Variants in PHC3 observed in about 807,000 individuals in gnomAD.
PHC3 encodes polyhomeotic-like protein 3.
In PHC3, 13 loss-of-function variants were observed where a neutral mutation model predicts 107.4. The ratio of observed to expected loss-of-function variants is 0.12; its 90% CI spans 0.08 to 0.19. The LOEUF is 0.19. Ranked by LOEUF, PHC3 falls within the 10% of genes least tolerant of loss-of-function variation. PHC3 has a pLI of 1.00. For missense variants in PHC3, 992 were observed against 1,210.9 expected (o/e 0.82, Z 2.68); for synonymous variants, 456 against 427.4 (o/e 1.07, Z -0.83).
chr3:170,136,613 T>C lies in PHC3; in HGVS notation c.725A>G (p.Gln242Arg), dbSNP rs773059251. The stretch of plus-strand genomic sequence containing the variant: ...ACTAGTGCTTTTTGGTGGACCATTC[T>C]GTGAGCTAGATAATACACCCAACTT... ...SQKLGVLSSS[Q>R]NGPPKSTSQT... The change falls in exon 7 of 15, where the codon CAG becomes CGG. Residue 242 changes from glutamine to arginine, a missense_variant. By Grantham distance (43) the Gln-to-Arg change is conservative. Coordinates refer to ENST00000495893, the MANE Select transcript of PHC3 (RefSeq NM_024947.4). 1.2e-6 allele frequency: 2 copies of C among 1,613,878 alleles called. No homozygotes were observed. The highest frequency in any genetic ancestry group is 1.7e-6 in the Non-Finnish European group (2 of 1,179,842).
At position 170,097,194 on chromosome 3, in the gene PHC3, G is replaced by GT; in HGVS notation, c.*35dup. The GT allele has an allele frequency of 6.4e-7, 1 of 1,560,896 alleles. No individual in the cohort carries two copies. The highest frequency in any genetic ancestry group is 8.7e-7 in the Non-Finnish European group (1 of 1,145,776). The stretch of plus-strand genomic sequence containing the variant: ...TACCTTACAAGTTTTTGTGAGAAAA[G>GT]TAAAACTGCTGTTTTATCAAGGCTT... On this transcript the variant is annotated 3_prime_UTR_variant, in exon 15 of 15. Transcript: ENST00000495893. The surrounding 1 kb of genome is among the most constrained non-coding windows in gnomAD (Gnocchi z 4.1).
intron 9 of PHC3, among the ~76,000 whole-genome samples, chr3:170,119,011 CAA>C (rs1464005970): frequency 1.3e-5 from 1 of 78,766 alleles, no homozygotes; most frequent in Non-Finnish European, 2.5e-5. Flanking sequence ...TAAAGTCACA[CAA>C]AGTCACACAA....
At chr3:170,149,275 T>C (rs773705414) in intron 4 of PHC3, 31 bp from the exon 5 acceptor site, 12 of 1,567,558 alleles carry the variant, frequency 7.7e-6, no homozygotes, top group Non-Finnish European at 1.0e-5. Flanking sequence ...GGTCATAGGC[T>C]TCCATTTCTT....
chr3:170,130,754 T>G (rs1446934301), intron 7 of PHC3, among the ~76,000 whole-genome samples: 1 of 152,224 alleles, frequency 6.6e-6, no homozygotes, highest in Non-Finnish European at 1.5e-5. Context: ...ATGCCTTTTC[T>G]GCAAACTGGT....
intron 7 of PHC3, among the ~76,000 whole-genome samples, chr3:170,133,617 G>A (rs955376615): frequency 6.6e-5 from 10 of 152,242 alleles, no homozygotes; most frequent in African/African-American, 1.7e-4. Context: ...GATTTTCTGC[G>A]TGGTTTGTTT....
intron 4 of PHC3, among the ~76,000 whole-genome samples, chr3:170,157,919 CAA>C (rs1727143887): frequency 6.6e-6 from 1 of 151,256 alleles, no homozygotes; most frequent in African/African-American, 2.4e-5. Flanking sequence ...CTTATATTAG[CAA>C]AAAGACAGAA....
intron 12 of PHC3, among the ~76,000 whole-genome samples, chr3:170,106,397 T>C (rs540000907): frequency 6.6e-6 from 1 of 152,238 alleles, no homozygotes; most frequent in African/African-American, 2.4e-5. Context: ...TGAAAACATT[T>C]TAAAACAACA....
rs892929656 is a variant in PHC3 at position 170,093,551 on chromosome 3, T to C, written c.*3679A>G. On this transcript the variant is annotated 3_prime_UTR_variant, in exon 15 of 15. Transcript: ENST00000495893. ...CTATAATAGTGTATTCTTTCAAAAA[T>C]TGTTTATACACACTTAATATAGGCA... is the stretch of plus-strand genomic sequence containing the variant. 11 of 152,212 alleles carry C rather than the reference T, an allele frequency of 7.2e-5. No individual in the cohort carries two copies. Among genetic ancestry groups the C allele is most frequent in the Non-Finnish European group, 1.5e-4 (10 of 68,048 alleles). 9.4% of individuals were successfully genotyped at this position (152,212 alleles called of 1,614,324 possible). A position where few individuals can be genotyped will look rare whatever the true frequency, so the allele number is the denominator to read the frequency against.
At chr3:170,132,486 A>G (rs985544669) in intron 7 of PHC3, among the ~76,000 whole-genome samples, 1 of 152,174 alleles carries the variant, frequency 6.6e-6, no homozygotes, top group Non-Finnish European at 1.5e-5. Context: ...AGGAAGTAAC[A>G]AAGGTTAAAT....
At chr3:170,153,719 C>T (rs571936379) in intron 4 of PHC3, among the ~76,000 whole-genome samples, 68 of 150,384 alleles carry the variant, frequency 4.5e-4, no homozygotes, top group Non-Finnish European at 6.6e-4. Flanking sequence ...GCCAAGATCG[C>T]GCCACTGCAC....
rs1713763959 is a variant in PHC3 at position 170,088,818 on chromosome 3, G to A, written c.*8412C>T. 1 of 152,248 alleles carries A rather than the reference G, an allele frequency of 6.6e-6. No individual in the cohort carries two copies. Among genetic ancestry groups the A allele is most frequent in the African/African-American group, 2.4e-5 (1 of 41,448 alleles). The allele number at this position is 152,248 out of a possible 1,614,324, so 9.4% of individuals were successfully genotyped here. The stretch of plus-strand genomic sequence containing the variant: ...CTTCCTGTTTTCAATTAGTTTGAAA[G>A]ATTCTAATATAGATTCTAACCCAAC... On this transcript the variant is annotated 3_prime_UTR_variant, in exon 15 of 15. Transcript: ENST00000495893.
intron 4 of PHC3, 67 bp from the exon 5 acceptor site, chr3:170,149,311 C>G: frequency 6.8e-7 from 1 of 1,473,384 alleles, no homozygotes; most frequent in Admixed American, 2.2e-5. Context: ...AATTTCACAC[C>G]GAGCTGCAGT....
At chr3:170,179,658 C>A (rs945081829) in intron 1 of PHC3, among the ~76,000 whole-genome samples, 2 of 152,176 alleles carry the variant, frequency 1.3e-5, no homozygotes, top group Non-Finnish European at 2.9e-5. Flanking sequence ...TAAATTATGT[C>A]ACTTCCTCAT....
intron 5 of PHC3, among the ~76,000 whole-genome samples, chr3:170,146,881 T>C (rs550012568): frequency 5.4e-4 from 77 of 142,276 alleles, no homozygotes; most frequent in African/African-American, 1.9e-3. Context: ...TTTTTTCTTT[T>C]TTTTTTTTTT....
chr3:170,114,618 A>G (rs1211550700), intron 10 of PHC3, among the ~76,000 whole-genome samples: 2 of 152,182 alleles, frequency 1.3e-5, no homozygotes, highest in Non-Finnish European at 2.9e-5. Flanking sequence ...ATTAACATCA[A>G]AATATTCACT....
rs750360733 is a variant in PHC3 at position 170,129,103 on chromosome 3, G to GCAC, written c.1366_1368dup (p.Val456dup). 1 of 1,612,830 alleles carries GCAC rather than the reference G, an allele frequency of 6.2e-7. No homozygotes were observed. The highest frequency in any genetic ancestry group is 1.7e-5 in the Admixed American group (1 of 59,718). ...GGAAGATTCAACTGTGCTGTAGCTTGCACCTGATTAGCAGTGGACTGCTGC... is the reference window on the plus strand; with the variant it reads ...GGAAGATTCAACTGTGCTGTAGCTTGCACCACCTGATTAGCAGTGGACTGCTGC... On this transcript the variant is annotated inframe_insertion, in exon 8 of 15. Coordinates refer to ENST00000495893, the MANE Select transcript of PHC3 (RefSeq NM_024947.4).
At chr3:170,130,133 T>C (rs1722017701) in intron 7 of PHC3, among the ~76,000 whole-genome samples, 1 of 152,222 alleles carries the variant, frequency 6.6e-6, no homozygotes, top group Admixed American at 6.5e-5. Flanking sequence ...TTATTATATT[T>C]TATAGGTCAC....
chr3:170,122,336 G>C (rs973529776), intron 9 of PHC3, among the ~76,000 whole-genome samples: 10 of 152,086 alleles, frequency 6.6e-5, no homozygotes, highest in African/African-American at 2.2e-4. Flanking sequence ...GGGTGCAATG[G>C]CTCACACCTG....
At chr3:170,129,687 T>C in intron 7 of PHC3, 135 bp from the exon 8 acceptor site, 1 of 1,009,370 alleles carries the variant, frequency 9.9e-7, no homozygotes, top group Non-Finnish European at 1.4e-6. Flanking sequence ...CAAACAAGAG[T>C]AATTTGAAAA....
Sources: allele counts gnomAD v4.1 joint callset (sites outside exome capture counted in the v4.1 genomes callset), GRCh38; gene constraint gnomAD v4.1.1; non-coding constraint Gnocchi (gnomAD v3.1); transcripts MANE v1.5; gene names NCBI Gene and HGNC (gene_info 2026-07-23, HGNC 2026-07-21).